The following FBXO36 variants were observed in gnomAD, a reference collection of about 807,000 sequenced individuals.
FBXO36 encodes the protein F-box protein 36.
FBXO36 carries 18 observed loss-of-function variants against 17.0 expected under a neutral mutation model. The observed-to-expected ratio is 1.06, with a 90% CI of 0.73 to 1.57. FBXO36 has a LOEUF of 1.57. FBXO36 is among the 40% of genes most tolerant of loss of function. The pLI is 0.00. For missense variants in FBXO36, 229 were observed against 221.9 expected (o/e 1.03, Z -0.20); for synonymous variants, 83 against 85.3 (o/e 0.97, Z 0.15).
chr2:229,945,490 A>G (rs995804774), intron 1 of FBXO36, among the ~76,000 whole-genome samples: 1 of 151,866 alleles, frequency 6.6e-6, no homozygotes, highest in African/African-American at 2.4e-5. Flanking sequence ...TATTTTTGAT[A>G]GAGACGCATT....
At chr2:229,932,091 T>C (rs1331698683) in intron 1 of FBXO36, among the ~76,000 whole-genome samples, 1 of 151,430 alleles carries the variant, frequency 6.6e-6, no homozygotes, top group African/African-American at 2.4e-5. Flanking sequence ...GCTAAGAAAG[T>C]AGTGTTTTAG....
chr2:229,991,882 A>C (rs964469659), intron 2 of FBXO36, among the ~76,000 whole-genome samples: 2 of 151,970 alleles, frequency 1.3e-5, no homozygotes, highest in Non-Finnish European at 2.9e-5. Flanking sequence ...CCCCATCTCC[A>C]ATTTCTTCTT....
At chr2:229,996,690 T>A in intron 2 of FBXO36, 61 bp from the exon 3 acceptor site, 1 of 1,497,498 alleles carries the variant, frequency 6.7e-7, no homozygotes, top group Middle Eastern at 2.5e-4. Context: ...ATTTCACTGA[T>A]TGTTATTATA....
intron 3 of FBXO36, among the ~76,000 whole-genome samples, chr2:230,007,440 T>G (rs1321675949): frequency 1.3e-5 from 2 of 152,140 alleles, no homozygotes; most frequent in African/African-American, 4.8e-5. Flanking sequence ...AATTCCCATG[T>G]CTGGCCAAGC....
At chr2:229,949,152 T>C (rs577120940) in intron 1 of FBXO36, among the ~76,000 whole-genome samples, 1 of 152,094 alleles carries the variant, frequency 6.6e-6, no homozygotes, top group African/African-American at 2.4e-5. Flanking sequence ...CTCTTTTTTT[T>C]ACATAAATGC....
intron 1 of FBXO36, among the ~76,000 whole-genome samples, chr2:229,962,263 T>G (rs2077125374): frequency 6.6e-6 from 1 of 152,100 alleles, no homozygotes; most frequent in South Asian, 2.1e-4. Flanking sequence ...GTAGGGTATA[T>G]TTCTTCCCAT....
chr2:229,976,404 G>A, intron 2 of FBXO36, 55 bp downstream of exon 2: 2 of 1,222,138 alleles, frequency 1.6e-6, no homozygotes, highest in Non-Finnish European at 2.4e-6. Flanking sequence ...GTTAGTGGTA[G>A]ATTTTGTTAA....
chr2:229,967,152 G>A (rs1036877941), intron 1 of FBXO36, among the ~76,000 whole-genome samples: 70 of 152,232 alleles, frequency 4.6e-4, no homozygotes, highest in African/African-American at 1.6e-3. Context: ...GTGAATGGGC[G>A]TTCACCCATG....
At chr2:229,995,087 C>T (rs1308827415) in intron 2 of FBXO36, among the ~76,000 whole-genome samples, 3 of 151,760 alleles carry the variant, frequency 2.0e-5, no homozygotes, top group Non-Finnish European at 4.4e-5. Flanking sequence ...GCACTCCAGC[C>T]TGGGTGACAG....
At chr2:230,002,258 C>T (rs1423320360) in intron 3 of FBXO36, among the ~76,000 whole-genome samples, 1 of 152,088 alleles carries the variant, frequency 6.6e-6, no homozygotes, top group Non-Finnish European at 1.5e-5. Flanking sequence ...AACTAAAATA[C>T]AGATGTTATT....
intron 1 of FBXO36, among the ~76,000 whole-genome samples, chr2:229,964,186 G>T (rs767871413): frequency 2.0e-5 from 3 of 151,476 alleles, no homozygotes; most frequent in Non-Finnish European, 4.4e-5. Context: ...ACTTTGTTTT[G>T]ATGGTTTTTG....
chr2:229,976,007 C>A (rs969230982), intron 1 of FBXO36, among the ~76,000 whole-genome samples: 1 of 152,026 alleles, frequency 6.6e-6, no homozygotes, highest in Non-Finnish European at 1.5e-5. Context: ...TGCACCCGGC[C>A]GACCTGATCG....
At chr2:230,006,102 T>A (rs1330758597) in intron 3 of FBXO36, among the ~76,000 whole-genome samples, 1 of 148,166 alleles carries the variant, frequency 6.7e-6, no homozygotes, top group Non-Finnish European at 1.5e-5. Flanking sequence ...TTATTTTATT[T>A]TAGTTTTTTT....
intron 3 of FBXO36, among the ~76,000 whole-genome samples, chr2:230,004,197 G>A (rs2077374654): frequency 6.6e-6 from 1 of 152,040 alleles, no homozygotes; most frequent in Admixed American, 6.6e-5. Flanking sequence ...ACCACCACCT[G>A]GATCTCCCAA....
chr2:229,954,234 A>ATTTTTTTGTTTTTTTT (rs2077072427), intron 1 of FBXO36, among the ~76,000 whole-genome samples: 1 of 71,378 alleles, frequency 1.4e-5, no homozygotes, highest in Non-Finnish European at 2.6e-5. Context: ...AACCCTTTGG[A>ATTTTTTTGTTTTTTTT]TTTTTTTTTT....
Position 229,937,132 on chromosome 2 carries a change from G to T in FBXO36, c.96+14523G>T, listed in dbSNP as rs991358677. 2.0e-5 allele frequency among the ~76,000 whole-genome samples: 3 copies of T among 152,070 alleles called. 1 individual carries two copies. Among genetic ancestry groups the T allele is most frequent in the African/African-American group, 7.2e-5 (3 of 41,406 alleles). On this transcript the variant is annotated intron_variant, in intron 1 of 3. Coordinates refer to ENST00000283946, the MANE Select transcript of FBXO36 (RefSeq NM_174899.5). The stretch of plus-strand genomic sequence containing the variant: ...ATGCTAATTAAACTTCGATTTCAGC[G>T]ATTTTGTAAGAAAAAAAGTGTCCCA...
At chr2:229,930,765 A>G (rs954462061) in intron 1 of FBXO36, among the ~76,000 whole-genome samples, 1 of 152,202 alleles carries the variant, frequency 6.6e-6, no homozygotes, top group Non-Finnish European at 1.5e-5. Context: ...AAAACAAAAG[A>G]GAGATGCTTT....
At chr2:229,938,410 T>TG (rs1423789457) in intron 1 of FBXO36, among the ~76,000 whole-genome samples, 1 of 143,118 alleles carries the variant, frequency 7.0e-6, no homozygotes, top group African/African-American at 2.6e-5. Flanking sequence ...TTTGTATAGG[T>TG]GGGGTTGTAG....
At chr2:229,938,850 C>G (rs1213484672) in intron 1 of FBXO36, among the ~76,000 whole-genome samples, 1 of 148,598 alleles carries the variant, frequency 6.7e-6, no homozygotes, top group African/African-American at 2.5e-5. Flanking sequence ...ACCTCTGCCT[C>G]CTGGGTTCAA....
Sources: allele counts gnomAD v4.1 joint callset (sites outside exome capture counted in the v4.1 genomes callset), GRCh38; gene constraint gnomAD v4.1.1; transcripts MANE v1.5; gene names NCBI Gene and HGNC (gene_info 2026-07-23, HGNC 2026-07-21).